Variants in CACNA2D2 observed in about 807,000 individuals in gnomAD.
CACNA2D2 encodes the protein voltage-dependent calcium channel subunit alpha-2/delta-2.
In CACNA2D2, 48 loss-of-function variants were observed where a neutral mutation model predicts 166.4. The ratio of observed to expected loss-of-function variants is 0.29; its 90% confidence interval spans 0.23 to 0.37. The LOEUF (loss-of-function observed/expected upper bound fraction) is 0.37. CACNA2D2 is among the 10% of genes least tolerant of loss of function. The pLI is 1.00. For missense variants in CACNA2D2, 1,122 were observed against 1,433.0 expected, an observed-to-expected ratio of 0.78 and a Z score of 3.50; for synonymous variants, 561 against 573.7, an observed-to-expected ratio of 0.98 and a Z score of 0.32.
rs574269034 is a variant in CACNA2D2 at position 50,436,504 on chromosome 3, G to A, written c.289-2075C>T. 2.0e-5 allele frequency among the ~76,000 whole-genome samples: 3 copies of A among 152,268 alleles called. No individual in the cohort carries two copies. The South Asian group carries it at 6.2e-4, about 32-fold the overall frequency. Reference sequence around the variant, plus strand: ...GGCTGCAGAGTGAGTGGGTCTCTAGGTGGCAGGCCCACACCTCAGGGCACC... The same window carrying A: ...GGCTGCAGAGTGAGTGGGTCTCTAGATGGCAGGCCCACACCTCAGGGCACC... On this transcript the variant is annotated intron_variant, in intron 2 of 37. Coordinates refer to ENST00000424201, the MANE Select transcript of CACNA2D2 (RefSeq NM_006030.4).
At chr3:50,407,822 G>C (rs1236856161) in intron 3 of CACNA2D2, among the ~76,000 whole-genome samples, 1 of 152,172 alleles carries the variant, frequency 6.6e-6, no homozygotes, top group Non-Finnish European at 1.5e-5. Flanking sequence ...GGAGCACCAG[G>C]CAAAACTTGA....
At chr3:50,498,766 G>A (rs1207097273) in intron 1 of CACNA2D2, among the ~76,000 whole-genome samples, 3 of 152,174 alleles carry the variant, frequency 2.0e-5, no homozygotes, top group Non-Finnish European at 4.4e-5. Flanking sequence ...TCATATCCTA[G>A]GCCTCTTCAT....
intron 1 of CACNA2D2, among the ~76,000 whole-genome samples, chr3:50,500,262 G>C (rs1006749424): frequency 6.6e-6 from 1 of 152,144 alleles, no homozygotes; most frequent in Non-Finnish European, 1.5e-5. Flanking sequence ...CCCACCCTCA[G>C]AGGAAGGGAG....
At chr3:50,496,905 G>A (rs1698747401) in intron 1 of CACNA2D2, among the ~76,000 whole-genome samples, 1 of 152,166 alleles carries the variant, frequency 6.6e-6, no homozygotes, top group African/African-American at 2.4e-5. Context: ...GAGGGGCAGG[G>A]AAAAGACAGG....
chr3:50,387,508 T>A, intron 5 of CACNA2D2, 60 bp downstream of exon 5: 1 of 1,444,090 alleles, frequency 6.9e-7, no homozygotes, highest in Non-Finnish European at 9.7e-7. Flanking sequence ...CTAACATCCA[T>A]TTTACAGCCA....
Position 50,381,053 on chromosome 3 carries a change from G to A in CACNA2D2, c.726C>T (p.Asp242=), listed in dbSNP as rs1431194967. Residue 242 remains aspartate, a synonymous_variant, in exon 7 of 38, where the codon GAC becomes GAT. Coordinates refer to ENST00000424201, the MANE Select transcript of CACNA2D2 (RefSeq NM_006030.4). ...CGAAGACCTGCCACAGCAGTGTGGGGTCTTGTCTGCGGTTTTCCATGAACA... is the reference window on the plus strand; with the variant it reads ...CGAAGACCTGCCACAGCAGTGTGGGATCTTGTCTGCGGTTTTCCATGAACA... The part of the protein sequence containing the change: ...ENVFMENRRQ[D]PTLLWQVFGS... The A allele has an allele frequency of 1.2e-6, 2 of 1,613,984 alleles. No homozygotes were observed. The highest frequency in any genetic ancestry group is 2.7e-5 in the African/African-American group (2 of 75,006).
intron 2 of CACNA2D2, among the ~76,000 whole-genome samples, chr3:50,455,038 T>C (rs1709288586): frequency 6.6e-6 from 1 of 152,218 alleles, no homozygotes; most frequent in Non-Finnish European, 1.5e-5. Context: ...GTCACAAGCC[T>C]GCTGCTCACC....
intron 3 of CACNA2D2, among the ~76,000 whole-genome samples, chr3:50,407,639 C>T (rs1202373121): frequency 6.6e-6 from 1 of 152,234 alleles, no homozygotes; most frequent in Non-Finnish European, 1.5e-5. Flanking sequence ...TTCTCTGAAT[C>T]CTGATAACCT....
intron 2 of CACNA2D2, among the ~76,000 whole-genome samples, chr3:50,460,854 AAAAAAAAAG>A (rs1709558350): frequency 6.6e-6 from 1 of 151,508 alleles, no homozygotes; most frequent in Non-Finnish European, 1.5e-5. Flanking sequence ...ACTCCGTCTC[AAAAAAAAAG>A]AAAAAAAAAA....
At chr3:50,458,296 G>C (rs908150022) in intron 2 of CACNA2D2, among the ~76,000 whole-genome samples, 4 of 152,326 alleles carry the variant, frequency 2.6e-5, no homozygotes, top group South Asian at 4.1e-4. Flanking sequence ...TGTGAGGCTA[G>C]CTGAGCTGCC....
At chr3:50,444,471 C>G (rs1708751524) in intron 2 of CACNA2D2, among the ~76,000 whole-genome samples, 1 of 152,226 alleles carries the variant, frequency 6.6e-6, no homozygotes, top group Admixed American at 6.5e-5. Context: ...CCAGGCCATC[C>G]TGGCATTCCT....
At chr3:50,433,363 G>T (rs1043767895) in intron 3 of CACNA2D2, among the ~76,000 whole-genome samples, 3 of 148,204 alleles carry the variant, frequency 2.0e-5, no homozygotes, top group African/African-American at 4.9e-5. Flanking sequence ...TTTGTTGTTT[G>T]TTTTTTTTTT....
At chr3:50,382,448 C>T (rs1260552604) in intron 6 of CACNA2D2, among the ~76,000 whole-genome samples, 4 of 152,208 alleles carry the variant, frequency 2.6e-5, no homozygotes, top group Non-Finnish European at 4.4e-5. Context: ...CACTCTCCCT[C>T]GGGCGGCCCC....
Position 50,365,059 on chromosome 3 carries a change from G to C in CACNA2D2, c.3208+16C>G. ...CAGAGGGGGAGCGGGCGGCGGGGAG[G>C]GCGGGGGCAGGATACAGTGCGTCTC... On this transcript the variant is annotated intron_variant, in intron 36 of 37. Coordinates refer to ENST00000424201, the MANE Select transcript of CACNA2D2 (RefSeq NM_006030.4). The surrounding 1 kb of genome is among the most constrained non-coding windows in gnomAD (Gnocchi z 4.5). 1.2e-6 allele frequency: 2 copies of C among 1,605,284 alleles called. No homozygotes were observed. The highest frequency in any genetic ancestry group is 1.3e-5 in the African/African-American group (1 of 74,816).
chr3:50,494,976 G>A (rs1016655461), intron 1 of CACNA2D2, among the ~76,000 whole-genome samples: 5 of 152,144 alleles, frequency 3.3e-5, no homozygotes, highest in African/African-American at 7.2e-5. Flanking sequence ...GCACCCGGCT[G>A]GATATTTTTA....
At chr3:50,495,618 A>G (rs1413915744) in intron 1 of CACNA2D2, among the ~76,000 whole-genome samples, 4 of 152,224 alleles carry the variant, frequency 2.6e-5, no homozygotes, top group African/African-American at 9.6e-5. Context: ...TCATCAAGCC[A>G]AAGTTTTTAC....
At chr3:50,370,184 C>G in intron 23 of CACNA2D2, 136 bp downstream of exon 23, 2 of 680,208 alleles carry the variant, frequency 2.9e-6, no homozygotes. Context: ...GCCGCGCATA[C>G]CGGGCGATGT....
At chr3:50,416,309 G>C (rs1023604152) in intron 3 of CACNA2D2, 14 of 152,482 alleles carry the variant, frequency 9.2e-5, no homozygotes, top group African/African-American at 2.9e-4. Context: ...CGTGAGGGGA[G>C]AGATTCCCAG....
chr3:50,419,395 T>C (rs930069946), intron 3 of CACNA2D2, among the ~76,000 whole-genome samples: 2 of 152,104 alleles, frequency 1.3e-5, no homozygotes, highest in African/African-American at 4.8e-5. Flanking sequence ...CCTGACCACA[T>C]GAGCCAGGAC....
Sources: gnomAD v4.1 joint callset for allele counts (sites outside exome capture counted in the v4.1 genomes callset) on GRCh38, gnomAD v4.1.1 for gene constraint, Gnocchi (gnomAD v3.1) non-coding constraint, MANE v1.5 for transcripts, NCBI Gene and HGNC (gene_info 2026-07-23, HGNC 2026-07-21) for gene names.